Variants in SYNE1 observed in about 807,000 individuals in gnomAD.
SYNE1 encodes spectrin repeat containing nuclear envelope protein 1, also known as nesprin-1.
Under a neutral mutation model 1,111.0 loss-of-function variants are expected in SYNE1, and 616 were observed. That is an observed-to-expected ratio of 0.55 (90% CI 0.52 to 0.59). The LOEUF (loss-of-function observed/expected upper bound fraction) is 0.59. Among genes scored for constraint, SYNE1 ranks in the 20% least tolerant of loss-of-function variants. The probability of loss-of-function intolerance (pLI) is 0.00; values close to 1 mark genes in which losing one functional copy is unlikely to be tolerated. For missense variants in SYNE1, 10,006 were observed against 10,417.0 expected, an observed-to-expected ratio of 0.96 and a Z score of 1.72; for synonymous variants, 3,855 against 3,825.8, an observed-to-expected ratio of 1.01 and a Z score of -0.28.
intron 52 of SYNE1, 29 bp from the exon 53 acceptor site, chr6:152,390,481 TAGGCATGTA>T: frequency 6.2e-7 from 1 of 1,612,078 alleles, no homozygotes; most frequent in Non-Finnish European, 8.5e-7. Flanking sequence ...TACTCATCAG[TAGGCATGTA>T]AAAACCTTCT....
chr6:152,347,256 CAG>C, intron 72 of SYNE1, 21 bp from the exon 73 acceptor site: 1 of 1,613,884 alleles, frequency 6.2e-7, no homozygotes, highest in Non-Finnish European at 8.5e-7. Context: ...GAAACCAATA[CAG>C]AGTTTTCAGA....
rs1011153303 is a variant in SYNE1, at chr6:152,164,447, A to G, written c.23628-122T>C. The G allele has an allele frequency of 1.5e-5, 17 of 1,120,772 alleles. No homozygotes were observed. In the African/African-American group the frequency reaches 2.3e-4, roughly 15 times the overall value. The allele number at this position is 1,120,772 out of a possible 1,614,324, so 69.4% of individuals were successfully genotyped here. A position where few individuals can be genotyped will look rare whatever the true frequency, so the allele number is the denominator to read the frequency against. On this transcript the variant is annotated intron_variant, in intron 130 of 145. Transcript: ENST00000367255. ...TAGGCAGAGTTAGAAACTCATGTGG[A>G]AGAAGCCAAAGACAGAAGACAAAGG...
chr6:152,562,553 T>A lies in SYNE1; in HGVS notation c.68-22532A>T, dbSNP rs186576039. Reference sequence around the variant, plus strand: ...CAATAGTCCCACTACTGAGTATATATCCAAAGGAAATGAAATCAGTATATC... The same window carrying A: ...CAATAGTCCCACTACTGAGTATATAACCAAAGGAAATGAAATCAGTATATC... On this transcript the variant is annotated intron_variant, in intron 3 of 145. Coordinates refer to ENST00000367255, the MANE Select transcript of SYNE1 (RefSeq NM_182961.4). 6.6e-5 allele frequency among the ~76,000 whole-genome samples: 10 copies of A among 152,284 alleles called. No individual in the cohort carries two copies. The East Asian group carries it at 1.9e-3, about 29-fold the overall frequency.
chr6:152,556,349 G>A (rs2099365038), intron 3 of SYNE1, among the ~76,000 whole-genome samples: 1 of 152,156 alleles, frequency 6.6e-6, no homozygotes, highest in Non-Finnish European at 1.5e-5. Flanking sequence ...GGAGAATAGT[G>A]AAGTGAGCAC....
At chr6:152,433,711 G>T in intron 34 of SYNE1, 84 bp downstream of exon 34, 1 of 1,513,018 alleles carries the variant, frequency 6.6e-7, no homozygotes. Context: ...CTTGTCCTGG[G>T]ACCGAACAGC....
intron 3 of SYNE1, among the ~76,000 whole-genome samples, chr6:152,562,939 A>C (rs1311471037): frequency 1.3e-5 from 2 of 152,168 alleles, no homozygotes; most frequent in African/African-American, 4.8e-5. Context: ...TTTTAGGTTC[A>C]GATACAATAG....
chr6:152,362,339 A>C lies in SYNE1; in HGVS notation c.10146-16T>G. 3 of 1,614,178 alleles carry C rather than the reference A, an allele frequency of 1.9e-6. No homozygotes were observed. The highest frequency in any genetic ancestry group is 2.5e-6 in the Non-Finnish European group (3 of 1,180,014). On this transcript the variant is annotated splice_polypyrimidine_tract_variant and intron_variant, in intron 63 of 145. Coordinates refer to ENST00000367255, the MANE Select transcript of SYNE1 (RefSeq NM_182961.4). ...TTCGAGTTGGCTGAAAGGGATTTGA[A>C]AGGACAATAAATCCACATTGAGAAT...
chr6:152,200,376 C>T (rs2075162768), intron 127 of SYNE1, among the ~76,000 whole-genome samples: 1 of 152,160 alleles, frequency 6.6e-6, no homozygotes, highest in African/African-American at 2.4e-5. Flanking sequence ...CCCATTCCTG[C>T]TTTGCAGAAG....
intron 3 of SYNE1, among the ~76,000 whole-genome samples, chr6:152,584,606 A>T (rs1270029758): frequency 2.0e-5 from 3 of 151,896 alleles, no homozygotes; most frequent in Non-Finnish European, 4.4e-5. Flanking sequence ...GTCTCGCTAC[A>T]TTGCCCAGGC....
At chr6:152,399,523 T>A in intron 48 of SYNE1, 93 bp downstream of exon 48, 4 of 1,472,666 alleles carry the variant, frequency 2.7e-6, no homozygotes, top group Non-Finnish European at 3.8e-6. Flanking sequence ...CTGGAAAGTT[T>A]CCTCAAACTT....
chr6:152,453,906 T>G (rs1181345692), intron 24 of SYNE1, among the ~76,000 whole-genome samples, 186 bp from the exon 25 acceptor site: 1 of 152,250 alleles, frequency 6.6e-6, no homozygotes, highest in African/African-American at 2.4e-5. Context: ...TCAGAAGCCA[T>G]CATATCTGAA....
At chr6:152,313,456 T>G (rs1045035574) in intron 87 of SYNE1, among the ~76,000 whole-genome samples, 8 of 148,714 alleles carry the variant, frequency 5.4e-5, no homozygotes, top group Non-Finnish European at 4.5e-5. Context: ...CACAATGGAT[T>G]TTCTTTTCTT....
At chr6:152,351,330 G>A (rs2096737110) in intron 70 of SYNE1, among the ~76,000 whole-genome samples, 1 of 152,236 alleles carries the variant, frequency 6.6e-6, no homozygotes, top group African/African-American at 2.4e-5. Context: ...GACATTGGCT[G>A]GAAGAGGCCG....
intron 128 of SYNE1, 56 bp downstream of exon 128, chr6:152,189,196 A>C (rs2071463598): frequency 1.3e-6 from 2 of 1,596,974 alleles, no homozygotes; most frequent in Admixed American, 1.7e-5. Context: ...TGACGTTCAA[A>C]TTCATCTCCC....
At chr6:152,373,321 T>TC in intron 58 of SYNE1, 102 bp from the exon 59 acceptor site, 1 of 1,130,210 alleles carries the variant, frequency 8.8e-7, no homozygotes, top group Non-Finnish European at 1.2e-6. Context: ...ACTCTGTCAC[T>TC]CAGGCTGGAG....
intron 21 of SYNE1, 93 bp downstream of exon 21, chr6:152,461,503 TA>T: frequency 6.7e-7 from 1 of 1,493,170 alleles, no homozygotes; most frequent in Non-Finnish European, 9.3e-7. Flanking sequence ...CGTTAACAAG[TA>T]AACACTTTGC....
At chr6:152,484,739 G>T in intron 13 of SYNE1, 96 bp downstream of exon 13, 1 of 1,335,960 alleles carries the variant, frequency 7.5e-7, no homozygotes, top group Non-Finnish European at 1.1e-6. Flanking sequence ...AGAGGCAGTA[G>T]AACCTGTTGC....
At position 152,304,427 on chromosome 6, in the gene SYNE1, G is replaced by A. The variant is rs139886120; in HGVS notation, c.17347-2364C>T. On this transcript the variant is annotated intron_variant, in intron 91 of 145. Transcript: ENST00000367255. ...TCGGCTCACTGCAACCTCCATCTCC[G>A]GGGTTCAAGCCATTCTCTTGCCTCA... Among the ~76,000 whole-genome samples the A allele has an allele frequency of 8.6e-3, 1,311 of 152,114 alleles. 14 individuals are homozygous for A. The highest frequency in any genetic ancestry group is 0.03 in the African/African-American group (1,251 of 41,510).
intron 3 of SYNE1, among the ~76,000 whole-genome samples, chr6:152,549,312 T>C (rs17082786): frequency 0.053 from 8,100 of 152,284 alleles, 699 homozygotes; most frequent in African/African-American, 0.18. Flanking sequence ...TATGAAACCA[T>C]CCATATTTAA....
Sources: allele counts gnomAD v4.1 joint callset (sites outside exome capture counted in the v4.1 genomes callset), GRCh38; gene constraint gnomAD v4.1.1; transcripts MANE v1.5; gene names NCBI Gene and HGNC (gene_info 2026-07-23, HGNC 2026-07-21).